Variants in TBC1D32 observed in about 807,000 individuals in gnomAD.
TBC1D32 encodes the protein protein broad-minded.
Under a neutral mutation model 170.3 loss-of-function variants are expected in TBC1D32, and 151 were observed. The ratio of observed to expected loss-of-function variants is 0.89; its 90% CI spans 0.78 to 1.01. The LOEUF is 1.01. Among genes scored for constraint, TBC1D32 ranks in the 50% least tolerant of loss-of-function variants. The probability of loss-of-function intolerance (pLI) is 0.00; values close to 1 mark genes in which losing one functional copy is unlikely to be tolerated. For missense variants in TBC1D32, 1,464 were observed against 1,457.1 expected, an observed-to-expected ratio of 1.00 and a Z score of -0.08; for synonymous variants, 498 against 488.0, an observed-to-expected ratio of 1.02 and a Z score of -0.27.
intron 30 of TBC1D32, among the ~76,000 whole-genome samples, chr6:121,101,350 C>A (rs1562483049): frequency 6.6e-6 from 1 of 152,026 alleles, no homozygotes; most frequent in African/African-American, 2.4e-5. Flanking sequence ...AAAATACTGG[C>A]AAACCAAATC....
At chr6:121,169,345 C>T (rs1277138327) in intron 22 of TBC1D32, among the ~76,000 whole-genome samples, 2 of 152,070 alleles carry the variant, frequency 1.3e-5, no homozygotes, top group Non-Finnish European at 2.9e-5. Context: ...ATAAATAGTG[C>T]TGGGAGAACT....
chr6:121,172,858 G>T (rs1228854263), intron 22 of TBC1D32, among the ~76,000 whole-genome samples: 1 of 152,092 alleles, frequency 6.6e-6, no homozygotes, highest in Non-Finnish European at 1.5e-5. Flanking sequence ...GGATTGGTGT[G>T]TTTCCGGTTG....
At chr6:121,227,085 A>AAT (rs1381220293) in intron 20 of TBC1D32, among the ~76,000 whole-genome samples, 1 of 152,190 alleles carries the variant, frequency 6.6e-6, no homozygotes, top group African/African-American at 2.4e-5. Flanking sequence ...AAAATCTCAT[A>AAT]ATGTTTTAAG....
chr6:121,235,409 G>A (rs1033260187), intron 20 of TBC1D32, among the ~76,000 whole-genome samples: 3 of 152,132 alleles, frequency 2.0e-5, no homozygotes, highest in Non-Finnish European at 4.4e-5. Flanking sequence ...CCTCTCCTTG[G>A]GCGAAGTTTG....
intron 29 of TBC1D32, among the ~76,000 whole-genome samples, chr6:121,109,965 TA>T (rs1779046730): frequency 6.6e-6 from 1 of 152,054 alleles, no homozygotes; most frequent in South Asian, 2.1e-4. Context: ...ATATTTCTAT[TA>T]AAATATTAAT....
chr6:121,260,261 C>A (rs1799585711), intron 15 of TBC1D32, among the ~76,000 whole-genome samples: 1 of 151,726 alleles, frequency 6.6e-6, no homozygotes, highest in South Asian at 2.1e-4. Flanking sequence ...ATGAGAAATA[C>A]AGAAAGCAAT....
intron 3 of TBC1D32, 152 bp from the exon 4 acceptor site, chr6:121,310,999 T>C: frequency 1.6e-6 from 1 of 608,358 alleles, no homozygotes; most frequent in Non-Finnish European, 2.9e-6. Flanking sequence ...TTAGAATTTT[T>C]CTTCCCAAGG....
At chr6:121,142,325 G>A (rs563111469) in intron 24 of TBC1D32, among the ~76,000 whole-genome samples, 18 of 152,346 alleles carry the variant, frequency 1.2e-4, no homozygotes, top group East Asian at 1.9e-4. Context: ...GTGAGTCAGC[G>A]CCACTTCGGA....
At chr6:121,255,457 C>T (rs1798839712) in intron 16 of TBC1D32, 47 bp from the exon 17 acceptor site, 2 of 437,980 alleles carry the variant, frequency 4.6e-6, no homozygotes, top group Non-Finnish European at 6.9e-6. Flanking sequence ...TAGCACTAGC[C>T]ATATATTTAT....
At chr6:121,226,315 G>A (rs1331273668) in intron 20 of TBC1D32, among the ~76,000 whole-genome samples, 2 of 152,114 alleles carry the variant, frequency 1.3e-5, no homozygotes, top group East Asian at 3.9e-4. Context: ...AGAGCAATGG[G>A]GGGATATAAG....
chr6:121,268,742 A>C (rs2128420024), intron 15 of TBC1D32, among the ~76,000 whole-genome samples: 1 of 152,306 alleles, frequency 6.6e-6, no homozygotes, highest in East Asian at 1.9e-4. Context: ...CAACATTCAA[A>C]TTCAGGAAGT....
intron 13 of TBC1D32, among the ~76,000 whole-genome samples, chr6:121,283,034 T>C (rs1368816263): frequency 6.6e-6 from 1 of 151,826 alleles, no homozygotes; most frequent in Non-Finnish European, 1.5e-5. Flanking sequence ...AATGGTGAGA[T>C]TTGGGCTTCT....
Position 121,294,609 on chromosome 6 carries a change from T to C in TBC1D32, c.1192A>G (p.Arg398Gly). 3 of 1,612,658 alleles carry C rather than the reference T, an allele frequency of 1.9e-6. No homozygotes were observed. Among genetic ancestry groups the C allele is most frequent in the East Asian group, 2.2e-5 (1 of 44,724 alleles). Reference protein sequence around the residue: ...CVQYFEMCKTRKADETLGHSK... With the variant: ...CVQYFEMCKTGKADETLGHSK... ...TGTCCCAAAGTTTCATCAGCTTTCCTAGTCTTACACATTTCAAAGTACTGA... is the reference window on the plus strand; with the variant it reads ...TGTCCCAAAGTTTCATCAGCTTTCCCAGTCTTACACATTTCAAAGTACTGA... Residue 398 changes from arginine (R) to glycine (G), a missense_variant, in exon 11 of 32, where the codon AGG becomes GGG. Arg to Gly is a moderately radical substitution (Grantham distance 125). This residue lies in a region of TBC1D32 where 1,363 missense variants were observed against 1,338.1 expected (regional missense o/e 1.02). Coordinates refer to ENST00000398212, the MANE Select transcript of TBC1D32 (RefSeq NM_152730.6).
At chr6:121,252,699 C>A (rs570235071) in intron 17 of TBC1D32, among the ~76,000 whole-genome samples, 2 of 152,220 alleles carry the variant, frequency 1.3e-5, no homozygotes, top group South Asian at 4.1e-4. Flanking sequence ...AACAAACCTG[C>A]ATATTCTGCA....
chr6:121,104,044 A>G (rs1054655169), intron 30 of TBC1D32, among the ~76,000 whole-genome samples: 3 of 151,876 alleles, frequency 2.0e-5, no homozygotes, highest in African/African-American at 7.2e-5. Flanking sequence ...CTATATTTAA[A>G]TTTCTTATTA....
intron 24 of TBC1D32, among the ~76,000 whole-genome samples, chr6:121,144,397 A>G (rs1783162209): frequency 6.6e-6 from 1 of 152,160 alleles, no homozygotes; most frequent in African/African-American, 2.4e-5. Flanking sequence ...TGCAGCAGGT[A>G]AGAAATGTGA....
chr6:121,283,752 A>G (rs1803378838), intron 13 of TBC1D32, 66 bp downstream of exon 13: 16 of 1,247,236 alleles, frequency 1.3e-5, no homozygotes, highest in Non-Finnish European at 1.8e-5. Context: ...AAACATCTAG[A>G]CAATAGAATA....
At chr6:121,198,744 CTT>C (rs986892538) in intron 22 of TBC1D32, among the ~76,000 whole-genome samples, 2 of 150,976 alleles carry the variant, frequency 1.3e-5, no homozygotes, top group African/African-American at 4.9e-5. Flanking sequence ...GAGCGAGACT[CTT>C]GTCTCAAAAA....
Position 121,305,668 on chromosome 6 carries a change from G to T in TBC1D32, c.691-835C>A, listed in dbSNP as rs181325988. Among the ~76,000 whole-genome samples the T allele has an allele frequency of 2.8e-3, 431 of 152,050 alleles. 3 individuals carry two copies. Among genetic ancestry groups the T allele is most frequent in the African/African-American group, 9.9e-3 (410 of 41,492 alleles). On this transcript the variant is annotated intron_variant, in intron 5 of 31. Coordinates refer to ENST00000398212, the MANE Select transcript of TBC1D32 (RefSeq NM_152730.6). ...CTGAACAAAGGATATTAAATACTTT[G>T]GGAAGTCTATTTTTATAGTTGCAGC...
Sources: allele counts gnomAD v4.1 joint callset (sites outside exome capture counted in the v4.1 genomes callset), GRCh38; gene constraint gnomAD v4.1.1; regional missense constraint gnomAD v4.1.1; transcripts MANE v1.5; gene names NCBI Gene and HGNC (gene_info 2026-07-23, HGNC 2026-07-21).